The following NRG1 variants were observed in gnomAD, a reference collection of about 807,000 sequenced individuals.
NRG1 encodes pro-neuregulin-1, membrane-bound isoform.
NRG1 carries 18 observed loss-of-function variants against 63.8 expected under a neutral mutation model. The ratio of observed to expected loss-of-function variants is 0.28; its 90% confidence interval spans 0.19 to 0.42. The LOEUF is 0.42. NRG1 is among the 10% of genes least tolerant of loss of function. The pLI is 1.00. For missense variants in NRG1, 762 were observed against 814.7 expected (o/e 0.94, Z 0.79); for synonymous variants, 302 against 301.3 (o/e 1.00, Z -0.02).
chr8:31,785,718 T>G (rs1820108090), intron 1 of NRG1, among the ~76,000 whole-genome samples: 1 of 152,212 alleles, frequency 6.6e-6, no homozygotes, highest in South Asian at 2.1e-4. Context: ...ATTATTTTTG[T>G]TTTTTTCTTT....
intron 1 of NRG1, among the ~76,000 whole-genome samples, chr8:31,819,948 C>A (rs1331104145): frequency 6.6e-6 from 1 of 152,188 alleles, no homozygotes; most frequent in African/African-American, 2.4e-5. Flanking sequence ...TCAAGTTTCT[C>A]ATCTTTACAT....
At chr8:32,300,225 AG>A (rs748003907) in intron 1 of NRG1, among the ~76,000 whole-genome samples, 11 of 152,228 alleles carry the variant, frequency 7.2e-5, no homozygotes, top group African/African-American at 2.4e-4. Flanking sequence ...GAACACTCTG[AG>A]ATCGTTAACA....
intron 1 of NRG1, among the ~76,000 whole-genome samples, chr8:32,114,605 G>A (rs1832460550): frequency 6.6e-6 from 1 of 152,178 alleles, no homozygotes; most frequent in Non-Finnish European, 1.5e-5. Context: ...TAAAGGAAGA[G>A]CAGAAGAATT....
intron 1 of NRG1, among the ~76,000 whole-genome samples, chr8:32,569,741 A>G (rs1229939964): frequency 1.0e-5 from 1 of 97,188 alleles, no homozygotes; most frequent in African/African-American, 2.8e-5. Context: ...TATTTTTATT[A>G]AATTATTGTG....
intron 1 of NRG1, among the ~76,000 whole-genome samples, chr8:32,047,792 C>T (rs891539844): frequency 2.1e-4 from 32 of 150,284 alleles, no homozygotes; most frequent in African/African-American, 8.0e-4. Context: ...TTTACATTTA[C>T]TCTTTTTTTT....
intron 1 of NRG1, among the ~76,000 whole-genome samples, chr8:31,814,256 A>G (rs1249552579): frequency 6.6e-6 from 1 of 152,162 alleles, no homozygotes; most frequent in African/African-American, 2.4e-5. Context: ...TGTCATCTCT[A>G]GCTACCTGGA....
At chr8:31,934,321 ATATG>A (rs964611293) in intron 1 of NRG1, among the ~76,000 whole-genome samples, 12 of 151,286 alleles carry the variant, frequency 7.9e-5, no homozygotes, top group African/African-American at 4.9e-5. Context: ...GTGTGTATAT[ATATG>A]TGTGTGTATA....
chr8:32,638,691 G>C (rs1045534955), intron 5 of NRG1, among the ~76,000 whole-genome samples: 2 of 152,138 alleles, frequency 1.3e-5, no homozygotes, highest in Non-Finnish European at 2.9e-5. Context: ...ATTTATGGTA[G>C]AAACATTTGA....
intron 5 of NRG1, among the ~76,000 whole-genome samples, chr8:32,722,801 T>C (rs1820979292): frequency 6.6e-6 from 1 of 152,200 alleles, no homozygotes; most frequent in Non-Finnish European, 1.5e-5. Flanking sequence ...TATTAATTTC[T>C]CTTAAATTGT....
intron 1 of NRG1, among the ~76,000 whole-genome samples, chr8:31,976,663 GT>G (rs1463984541): frequency 1.2e-3 from 3 of 2,544 alleles, no homozygotes; most frequent in African/African-American, 0.023. Context: ...TCTGCCATGG[GT>G]GTGTGTGTGT....
intron 5 of NRG1, among the ~76,000 whole-genome samples, chr8:32,626,051 C>G (rs1045630503): frequency 2.0e-5 from 3 of 151,938 alleles, no homozygotes; most frequent in Non-Finnish European, 4.4e-5. Flanking sequence ...ACCTTGGCCT[C>G]CCAAAGTGCT....
intron 1 of NRG1, among the ~76,000 whole-genome samples, chr8:32,426,851 C>T (rs934098336): frequency 3.9e-5 from 6 of 152,134 alleles, no homozygotes; most frequent in Non-Finnish European, 7.4e-5. Context: ...TCTACTTTTC[C>T]GATAAAGATC....
chr8:32,685,281 G>A (rs1809786758), intron 5 of NRG1, among the ~76,000 whole-genome samples: 1 of 152,114 alleles, frequency 6.6e-6, no homozygotes, highest in Non-Finnish European at 1.5e-5. Flanking sequence ...ACCATCACTG[G>A]TTTAATTACA....
At chr8:32,249,308 T>A (rs1848872052) in intron 1 of NRG1, among the ~76,000 whole-genome samples, 2 of 152,058 alleles carry the variant, frequency 1.3e-5, no homozygotes, top group South Asian at 4.1e-4. Context: ...AGTGGTGACT[T>A]CCTTTCTGAA....
chr8:31,942,821 A>C (rs911772736), intron 1 of NRG1, among the ~76,000 whole-genome samples: 1 of 152,072 alleles, frequency 6.6e-6, no homozygotes, highest in Non-Finnish European at 1.5e-5. Context: ...GGGAAATACA[A>C]ATCAAAACCA....
intron 1 of NRG1, among the ~76,000 whole-genome samples, chr8:31,817,211 T>G (rs1405833957): frequency 6.6e-6 from 1 of 152,230 alleles, no homozygotes; most frequent in African/African-American, 2.4e-5. Context: ...TTAGTGCACC[T>G]AAGAATGTTC....
chr8:31,930,877 T>C (rs1834802153), intron 1 of NRG1, among the ~76,000 whole-genome samples: 1 of 152,232 alleles, frequency 6.6e-6, no homozygotes, highest in Non-Finnish European at 1.5e-5. Flanking sequence ...GTTCTTTTGC[T>C]TCAAATGCCG....
chr8:32,075,968 C>T (rs544619955), intron 1 of NRG1, among the ~76,000 whole-genome samples: 3 of 152,226 alleles, frequency 2.0e-5, no homozygotes, highest in South Asian at 4.2e-4. Flanking sequence ...CCACCGCGCT[C>T]GGCCACATGT....
chr8:31,748,665 T>C (rs533181775), intron 1 of NRG1, among the ~76,000 whole-genome samples: 2 of 151,968 alleles, frequency 1.3e-5, no homozygotes, highest in East Asian at 1.9e-4. Context: ...TTTTTTCTTA[T>C]GCAGGGCCAG....
Sources: gnomAD v4.1 joint callset for allele counts (sites outside exome capture counted in the v4.1 genomes callset) on GRCh38, gnomAD v4.1.1 for gene constraint, MANE v1.5 for transcripts, NCBI Gene and HGNC (gene_info 2026-07-23, HGNC 2026-07-21) for gene names.